Variants in RNGTT observed in about 807,000 individuals in gnomAD.
RNGTT encodes RNA guanylyltransferase and 5'-phosphatase, also known as mRNA-capping enzyme.
A neutral mutation model predicts 79.3 loss-of-function variants in RNGTT; 33 were observed. That is an observed-to-expected ratio of 0.42 (90% CI 0.32 to 0.56). The LOEUF (loss-of-function observed/expected upper bound fraction) is 0.56, where lower values mean the gene tolerates loss of function less well. Ranked by LOEUF, RNGTT falls within the 20% of genes least tolerant of loss-of-function variation. The pLI, the probability that RNGTT is intolerant of heterozygous loss-of-function variation, is 0.17. For missense variants in RNGTT, 497 were observed against 739.1 expected (o/e 0.67, Z 3.80); for synonymous variants, 222 against 235.9 (o/e 0.94, Z 0.54).
intron 13 of RNGTT, among the ~76,000 whole-genome samples, chr6:88,769,347 G>GA (rs11459285): frequency 1 from 152,035 of 152,156 alleles, 75,957 homozygotes; most frequent in Middle Eastern, 1. Context: ...TTTTGGTAGA[G>GA]GGGGGTTTCG....
intron 13 of RNGTT, among the ~76,000 whole-genome samples, chr6:88,680,716 C>G (rs946980979): frequency 1.0e-4 from 15 of 146,140 alleles, no homozygotes; most frequent in Non-Finnish European, 1.9e-4. Context: ...CACTCCAGCC[C>G]GGGCAAGAAG....
chr6:88,761,126 A>G (rs543797514), intron 13 of RNGTT, among the ~76,000 whole-genome samples: 2 of 151,974 alleles, frequency 1.3e-5, no homozygotes, highest in Admixed American at 1.3e-4. Context: ...AATTCTATAT[A>G]TTCCATTCTG....
chr6:88,959,079 C>G (rs529235593), intron 1 of RNGTT, among the ~76,000 whole-genome samples: 2 of 152,128 alleles, frequency 1.3e-5, no homozygotes, highest in African/African-American at 4.8e-5. Flanking sequence ...GGAGTTGGAC[C>G]CCATCATTCT....
chr6:88,647,950 G>C (rs1773643193), intron 14 of RNGTT, among the ~76,000 whole-genome samples: 1 of 150,436 alleles, frequency 6.6e-6, no homozygotes, highest in Non-Finnish European at 1.5e-5. Context: ...TCCATGGCTT[G>C]ACCTGTCAGA....
At chr6:88,725,621 G>T (rs190911352) in intron 13 of RNGTT, among the ~76,000 whole-genome samples, 1 of 152,248 alleles carries the variant, frequency 6.6e-6, no homozygotes, top group African/African-American at 2.4e-5. Context: ...CATGGGGGGC[G>T]GGGTGTTGAA....
intron 13 of RNGTT, chr6:88,714,094 A>G (rs889965096): frequency 1.3e-5 from 2 of 152,220 alleles, no homozygotes; most frequent in Admixed American, 6.5e-5. Context: ...CTCATCTATA[A>G]AATGGAAATA....
In RNGTT at chr6:88,647,715, A is replaced by AAG. The variant is rs56841663; in HGVS notation, c.1506+30637_1506+30638insCT. 2.1e-3 allele frequency among the ~76,000 whole-genome samples: 298 copies of AAG among 142,504 alleles called. 8 individuals carry two copies. The highest frequency in any genetic ancestry group is 8.7e-3 in the African/African-American group (288 of 33,136). 93.5% of individuals were successfully genotyped at this position (142,504 alleles called of 152,430 possible). A position where few individuals can be genotyped will look rare whatever the true frequency, so the allele number is the denominator to read the frequency against. The stretch of plus-strand genomic sequence containing the variant: ...CGACACCCTGTTAAAAAAAAAAAAA[A>AAG]AAGAAGAAGAAGAAAAGAAGGAAGG... On this transcript the variant is annotated intron_variant, in intron 14 of 15. Coordinates refer to ENST00000369485, the MANE Select transcript of RNGTT (RefSeq NM_003800.5).
chr6:88,713,580 G>A (rs1378213416), intron 13 of RNGTT, among the ~76,000 whole-genome samples: 1 of 152,056 alleles, frequency 6.6e-6, no homozygotes, highest in Non-Finnish European at 1.5e-5. Context: ...TATTGTGTAT[G>A]TATATATAAA....
intron 4 of RNGTT, among the ~76,000 whole-genome samples, chr6:88,919,506 G>A (rs1379170422): frequency 6.6e-6 from 1 of 152,076 alleles, no homozygotes; most frequent in African/African-American, 2.4e-5. Context: ...GAGGGTGTGG[G>A]GGGTATAGAC....
In RNGTT at chr6:88,802,696, T is replaced by G. The variant is rs547951676; in HGVS notation, c.1270-1064A>C. Among the ~76,000 whole-genome samples, 22 of 152,200 alleles carry G rather than the reference T, an allele frequency of 1.4e-4. No individual in the cohort carries two copies. In the South Asian group the frequency reaches 3.9e-3, roughly 27 times the overall value. On this transcript the variant is annotated intron_variant, in intron 11 of 15. Transcript: ENST00000369485. ...AGAAGGTGAAGGAGGAGCAAAGGCATGGTCTTACATGGCAGCAGGCAAGAG... is the reference window on the plus strand; with the variant it reads ...AGAAGGTGAAGGAGGAGCAAAGGCAGGGTCTTACATGGCAGCAGGCAAGAG...
At position 88,948,874 on chromosome 6, in the gene RNGTT, G is replaced by A. The variant is rs1435530910; in HGVS notation, c.65-7694C>T. ...ACTCAGGGTTAAATGGATTAAGGGC[G>A]GTGCAAGATGTGCTTTGTTAAACAG... On this transcript the variant is annotated intron_variant, in intron 1 of 15. Coordinates refer to ENST00000369485, the MANE Select transcript of RNGTT (RefSeq NM_003800.5). Among the ~76,000 whole-genome samples the A allele has an allele frequency of 4.3e-3, 385 of 88,862 alleles. 2 individuals are homozygous for A. The highest frequency in any genetic ancestry group is 0.016 in the African/African-American group (365 of 22,390). The allele number at this position is 88,862 out of a possible 152,430, so 58.3% of individuals were successfully genotyped here. A position where few individuals can be genotyped will look rare whatever the true frequency, so the allele number is the denominator to read the frequency against.
At chr6:88,712,524 C>T (rs1056191040) in intron 13 of RNGTT, among the ~76,000 whole-genome samples, 6 of 152,174 alleles carry the variant, frequency 3.9e-5, no homozygotes, top group African/African-American at 1.4e-4. Context: ...GCCCACCAGG[C>T]TGGCCTCAAA....
At chr6:88,725,668 T>C (rs549143746) in intron 13 of RNGTT, among the ~76,000 whole-genome samples, 2 of 151,772 alleles carry the variant, frequency 1.3e-5, no homozygotes, top group South Asian at 2.1e-4. Context: ...TGAGGGGGAG[T>C]TGAATCTCAA....
intron 11 of RNGTT, among the ~76,000 whole-genome samples, chr6:88,835,353 C>T (rs1022838948): frequency 2.6e-5 from 4 of 151,974 alleles, no homozygotes; most frequent in African/African-American, 9.7e-5. Context: ...AACTGACTCC[C>T]TCTAAGGGAA....
intron 14 of RNGTT, among the ~76,000 whole-genome samples, chr6:88,664,274 T>C (rs2127783239): frequency 6.6e-6 from 1 of 152,242 alleles, no homozygotes. Flanking sequence ...TCCAGTGCAA[T>C]TTTATGAGAG....
intron 8 of RNGTT, among the ~76,000 whole-genome samples, chr6:88,886,656 T>A (rs1457573029): frequency 6.6e-6 from 1 of 152,166 alleles, no homozygotes; most frequent in Non-Finnish European, 1.5e-5. Flanking sequence ...CTATAAAAAC[T>A]AAAGACATCT....
chr6:88,926,054 G>A (rs1426645010), intron 4 of RNGTT, among the ~76,000 whole-genome samples: 1 of 152,128 alleles, frequency 6.6e-6, no homozygotes, highest in African/African-American at 2.4e-5. Context: ...TGTCTTTGGT[G>A]ATATACATGG....
intron 4 of RNGTT, among the ~76,000 whole-genome samples, chr6:88,918,310 G>C (rs1784062212): frequency 6.6e-6 from 1 of 152,166 alleles, no homozygotes; most frequent in Non-Finnish European, 1.5e-5. Context: ...ATGACTGAGT[G>C]AGACACAGTC....
rs1219410825 is a variant in RNGTT, at chr6:88,614,254, G to T, written c.1630+18C>A. On this transcript the variant is annotated intron_variant, in intron 15 of 15. Transcript: ENST00000369485. Reference sequence around the variant, plus strand: ...TTTGTTTTAAATATAATAAGCACTGGTAAGTTGTCATACTCACCCATGGCA... The same window carrying T: ...TTTGTTTTAAATATAATAAGCACTGTTAAGTTGTCATACTCACCCATGGCA... 1 of 1,612,480 alleles carries T rather than the reference G, an allele frequency of 6.2e-7. No individual in the cohort carries two copies. Among genetic ancestry groups the T allele is most frequent in the Non-Finnish European group, 8.5e-7 (1 of 1,179,186 alleles).
Sources: gnomAD v4.1 joint callset for allele counts (sites outside exome capture counted in the v4.1 genomes callset) on GRCh38, gnomAD v4.1.1 for gene constraint, MANE v1.5 for transcripts, NCBI Gene and HGNC (gene_info 2026-07-23, HGNC 2026-07-21) for gene names.